The following ZBED4 variants were observed in gnomAD, a reference collection of about 807,000 sequenced individuals.
The protein encoded by ZBED4 is zinc finger BED domain-containing protein 4.
A neutral mutation model predicts 15.5 loss-of-function variants in ZBED4; 4 were observed. That is an observed-to-expected ratio of 0.26 (90% CI 0.13 to 0.59). The LOEUF (loss-of-function observed/expected upper bound fraction) is 0.59, where lower values mean the gene tolerates loss of function less well. ZBED4 is among the 20% of genes least tolerant of loss of function. The probability of loss-of-function intolerance (pLI) is 0.90; values close to 1 mark genes in which losing one functional copy is unlikely to be tolerated. For synonymous variants in ZBED4, 692 were observed against 608.5 expected, an observed-to-expected ratio of 1.14 and a Z score of -2.02; for missense variants, 1,323 against 1,461.8, an observed-to-expected ratio of 0.91 and a Z score of 1.55.
At chr22:49,853,605 C>T (rs994548551), upstream of ZBED4, among the ~76,000 whole-genome samples, 2 of 152,202 alleles carry the variant, frequency 1.3e-5, no homozygotes, top group African/African-American at 2.4e-5. Flanking sequence ...GGAGCGCCCA[C>T]TGCGCCTGCG....
Position 49,886,991 on chromosome 22 carries a change from C to G in ZBED4, c.3329C>G (p.Ser1110Cys), listed in dbSNP as rs772935920. 6.2e-7 allele frequency: 1 copy of G among 1,614,138 alleles called. No individual in the cohort carries two copies. Among genetic ancestry groups the G allele is most frequent in the South Asian group, 1.1e-5 (1 of 91,072 alleles). Residue 1110 changes from serine (S) to cysteine (C), a missense_variant, in exon 2 of 2, where the codon TCC (serine) becomes TGC (cysteine). Physicochemically the swap from Ser to Cys is moderately radical, Grantham distance 112. Around this residue, in one of 6 missense-constraint regions of ZBED4, gnomAD observed 312 missense variants for 410.7 expected, o/e 0.76. Transcript: ENST00000216268. The surrounding 1 kb of genome is among the most constrained non-coding windows in gnomAD (Gnocchi z 7.7). ...ACCTACTGGAACCTGAAGAAGGCGT[C>G]CTGGCCGGGGCTGTCCGCGCTGGCC... ...PLTYWNLKKA[S>C]WPGLSALAVR...
At position 49,862,763 on chromosome 22, in the gene ZBED4, G is replaced by A. The variant is rs1319687357; in HGVS notation, c.-330+8774G>A. Among the ~76,000 whole-genome samples, 4 of 124,894 alleles carry A rather than the reference G, an allele frequency of 3.2e-5. No homozygotes were observed. The East Asian group carries it at 7.7e-4, about 24-fold the overall frequency. The allele number at this position is 124,894 out of a possible 152,430, so 81.9% of individuals were successfully genotyped here. A position where few individuals can be genotyped will look rare whatever the true frequency, so the allele number is the denominator to read the frequency against. ...GTCGCCCAGGCTGGAGTGCAGTGTC[G>A]TGATCTCGGCTCACTGCAACCTCTG... On this transcript the variant is annotated intron_variant, in intron 1 of 1. Transcript: ENST00000216268.
chr22:49,874,287 G>C (rs1238257871), intron 1 of ZBED4, among the ~76,000 whole-genome samples: 2 of 152,152 alleles, frequency 1.3e-5, no homozygotes, highest in African/African-American at 4.8e-5. Context: ...GGTTTGTGCA[G>C]AGTTTTTGCT....
intron 1 of ZBED4, among the ~76,000 whole-genome samples, chr22:49,865,638 G>A (rs2060319008): frequency 6.6e-6 from 1 of 152,082 alleles, no homozygotes; most frequent in Non-Finnish European, 1.5e-5. Context: ...TCACACCACT[G>A]CACTCCAGTC....
Position 49,853,868 on chromosome 22 carries a change from G to GGCGGGCGGCGGGGCC in ZBED4, c.-445_-431dup, listed in dbSNP as rs2060262522. On this transcript the variant is annotated 5_prime_UTR_variant, in exon 1 of 2. Transcript: ENST00000216268. ...CGCAGCGTCCGGCGGCGTCGCGGGC[G>GGCGGGCGGCGGGGCC]GCGGGCGGCGGGGCCGCGGGAGGGG... 2 of 144,842 alleles carry GGCGGGCGGCGGGGCC rather than the reference G, an allele frequency of 1.4e-5. No homozygotes were observed. Among genetic ancestry groups the GGCGGGCGGCGGGGCC allele is most frequent in the Admixed American group, 1.4e-4 (2 of 14,654 alleles). 9.0% of individuals were successfully genotyped at this position (144,842 alleles called of 1,614,324 possible).
In ZBED4 at chr22:49,863,395, G is replaced by A. The variant is rs181424773; in HGVS notation, c.-330+9406G>A. ...TGTAATCCCAGCACTTTGGGAGGCC[G>A]AGGCAGGCGGATCACGAGGTCAAGA... On this transcript the variant is annotated intron_variant, in intron 1 of 1. Coordinates refer to ENST00000216268, the MANE Select transcript of ZBED4 (RefSeq NM_014838.3). 3.6e-3 allele frequency among the ~76,000 whole-genome samples: 548 copies of A among 152,310 alleles called. 3 individuals carry two copies. Among genetic ancestry groups the A allele is most frequent in the Non-Finnish European group, 6.5e-3 (442 of 68,022 alleles).
intron 1 of ZBED4, among the ~76,000 whole-genome samples, chr22:49,876,255 G>A (rs1421856658): frequency 1.3e-5 from 2 of 152,160 alleles, no homozygotes; most frequent in Non-Finnish European, 2.9e-5. Context: ...GTATTCCGTT[G>A]TTGTTGGACT....
In ZBED4 at chr22:49,885,264, C is replaced by T; in HGVS notation, c.1602C>T (p.Ser534=). 1 of 1,599,178 alleles carries T rather than the reference C, an allele frequency of 6.3e-7. No homozygotes were observed. The highest frequency in any genetic ancestry group is 1.7e-4 in the Middle Eastern group (1 of 5,984). The part of the protein sequence containing the change: ...PYATLASAES[S]SSKLTDLPTV... Reference sequence around the variant, plus strand: ...CCACTTTGGCCTCTGCAGAAAGTTCCTCTTCCAAATTGACTGACTTGCCAA... The same window carrying T: ...CCACTTTGGCCTCTGCAGAAAGTTCTTCTTCCAAATTGACTGACTTGCCAA... Residue 534 remains serine (S), a synonymous_variant, in exon 2 of 2, where the codon TCC becomes TCT. Coordinates refer to ENST00000216268, the MANE Select transcript of ZBED4 (RefSeq NM_014838.3).
At chr22:49,880,176 G>T (rs1784921370) in intron 1 of ZBED4, among the ~76,000 whole-genome samples, 1 of 152,116 alleles carries the variant, frequency 6.6e-6, no homozygotes, top group African/African-American at 2.4e-5. Flanking sequence ...GCTTAAAAGA[G>T]CGGCCGTTGT....
chr22:49,873,714 T>C (rs2060360415), intron 1 of ZBED4, among the ~76,000 whole-genome samples: 1 of 152,106 alleles, frequency 6.6e-6, no homozygotes, highest in African/African-American at 2.4e-5. Context: ...TATTGGGTCT[T>C]CCCACCTCAT....
intron 1 of ZBED4, among the ~76,000 whole-genome samples, chr22:49,859,103 T>C (rs2060286815): frequency 6.6e-6 from 1 of 152,204 alleles, no homozygotes; most frequent in Non-Finnish European, 1.5e-5. Flanking sequence ...CTCCACATGC[T>C]GTTTGCTGGT....
chr22:49,876,494 T>A (rs2060377046), intron 1 of ZBED4, among the ~76,000 whole-genome samples: 1 of 152,218 alleles, frequency 6.6e-6, no homozygotes, highest in African/African-American at 2.4e-5. Flanking sequence ...TCTGGATGAA[T>A]TGACCCCCTT....
At chr22:49,858,383 C>G (rs745815100) in intron 1 of ZBED4, among the ~76,000 whole-genome samples, 1 of 152,218 alleles carries the variant, frequency 6.6e-6, no homozygotes, top group African/African-American at 2.4e-5. Flanking sequence ...GCCATGTCCC[C>G]GTCTGAACCA....
chr22:49,874,698 TGAGACGGAG>T (rs2060367405), intron 1 of ZBED4, among the ~76,000 whole-genome samples: 1 of 142,292 alleles, frequency 7.0e-6, no homozygotes, highest in Non-Finnish European at 1.5e-5. Flanking sequence ...TTTTTTTTTT[TGAGACGGAG>T]TCTCACTCTG....
At chr22:49,860,796 T>TTTTTTA (rs2060293671) in intron 1 of ZBED4, among the ~76,000 whole-genome samples, 1 of 150,016 alleles carries the variant, frequency 6.7e-6, no homozygotes. Flanking sequence ...TTTTTTTTTT[T>TTTTTTA]GAGACAGAGT....
At chr22:49,857,623 ACT>A (rs2060279930) in intron 1 of ZBED4, among the ~76,000 whole-genome samples, 1 of 151,396 alleles carries the variant, frequency 6.6e-6, no homozygotes, top group African/African-American at 2.4e-5. Context: ...GTTTATTCTC[ACT>A]CTGTCACTCA....
Position 49,886,099 on chromosome 22 carries a change from A to G in ZBED4, c.2437A>G (p.Ile813Val). 1.5e-6 allele frequency: 1 copy of G among 681,190 alleles called. No individual in the cohort carries two copies. The allele number at this position is 681,190 out of a possible 1,614,324, so 42.2% of individuals were successfully genotyped here. ...VGITVTDNAS[I>V]GKTLNEGEHS... ...CATCACCGTCACCGACAACGCCAGC[A>G]TCGGGAAGACGCTGAACGAGGGGGA... Residue 813 changes from isoleucine to valine, a missense_variant, in exon 2 of 2, where the codon ATC becomes GTC. By Grantham distance (29) the Ile-to-Val change is conservative (BLOSUM62 3). Around this residue, in one of 6 missense-constraint regions of ZBED4, gnomAD observed 100 missense variants for 79.3 expected, o/e 1.26. Transcript: ENST00000216268. This position sits in a 1 kb window ranked among gnomAD's most constrained non-coding sequence, Gnocchi z 7.7.
Position 49,884,083 on chromosome 22 carries a change from A to C in ZBED4, c.421A>C (p.Lys141Gln). The change falls in exon 2 of 2, where the codon AAG becomes CAG. Residue 141 changes from lysine (K) to glutamine (Q), a missense_variant. Lys to Gln is a moderately conservative substitution (Grantham distance 53). This residue lies in a region of ZBED4 where 380 missense variants were observed against 413.7 expected (regional missense o/e 0.92). Coordinates refer to ENST00000216268, the MANE Select transcript of ZBED4 (RefSeq NM_014838.3). ...STKAICMYCV[K>Q]EFSRGKNEKD... ...TAAAGCAATATGCATGTACTGTGTG[A>C]AGGAGTTCAGCAGAGGCAAAAACGA... 2.5e-6 allele frequency: 4 copies of C among 1,611,942 alleles called. No homozygotes were observed. Among genetic ancestry groups the C allele is most frequent in the Non-Finnish European group, 2.5e-6 (3 of 1,179,100 alleles).
At chr22:49,854,089 C>T (rs2060264104) in intron 1 of ZBED4, 100 bp downstream of exon 1, 1 of 145,058 alleles carries the variant, frequency 6.9e-6, no homozygotes, top group East Asian at 2.0e-4. Flanking sequence ...CTGCGCCGCG[C>T]CGGGGCCAGG....
Sources: gnomAD v4.1 joint callset for allele counts (sites outside exome capture counted in the v4.1 genomes callset) on GRCh38, gnomAD v4.1.1 for gene constraint, gnomAD v4.1.1 regional missense constraint, Gnocchi (gnomAD v3.1) non-coding constraint, MANE v1.5 for transcripts, NCBI Gene and HGNC (gene_info 2026-07-23, HGNC 2026-07-21) for gene names.